Variants in REST observed in about 807,000 individuals in gnomAD.
REST encodes RE1-silencing transcription factor.
A neutral mutation model predicts 30.4 loss-of-function variants in REST; 1 was observed. The ratio of observed to expected loss-of-function variants is 0.03; its 90% CI spans 0.01 to 0.16. The LOEUF (loss-of-function observed/expected upper bound fraction) is 0.16. Ranked by LOEUF, REST falls within the 10% of genes least tolerant of loss-of-function variation. The probability of loss-of-function intolerance (pLI) is 1.00; values close to 1 mark genes in which losing one functional copy is unlikely to be tolerated. For synonymous variants in REST, 504 were observed against 451.1 expected (o/e 1.12, Z -1.49); for missense variants, 1,259 against 1,329.5 (o/e 0.95, Z 0.82).
In REST at chr4:56,930,133, G is replaced by A. The variant is rs1203540111; in HGVS notation, c.1275G>A (p.Val425=). 1.2e-6 allele frequency: 2 copies of A among 1,613,458 alleles called. No homozygotes were observed. Among genetic ancestry groups the A allele is most frequent in the Admixed American group, 1.7e-5 (1 of 59,902 alleles). ...CPNKTMDVSK[V]KLKKTKKREA... ...ATAAAACAATGGATGTCTCAAAAGT[G>A]AAACTAAAGAAAACCAAAAAACGAG... is the stretch of plus-strand genomic sequence containing the variant. The change falls in exon 4 of 4, where the codon GTG becomes GTA. Residue 425 remains valine (V), a synonymous_variant. Transcript: ENST00000309042.
intron 2 of REST, 93 bp downstream of exon 2, chr4:56,911,629 G>A (rs1226416550): frequency 9.5e-7 from 1 of 1,050,334 alleles, no homozygotes; most frequent in Non-Finnish European, 1.4e-6. Context: ...AAGGACTCTG[G>A]TTCAAATCCA....
At chr4:56,922,803 C>T (rs962850774) in intron 3 of REST, among the ~76,000 whole-genome samples, 1 of 152,088 alleles carries the variant, frequency 6.6e-6, no homozygotes, top group Non-Finnish European at 1.5e-5. Context: ...TTTCTTCTGT[C>T]CTTTGTATTG....
At chr4:56,909,206 C>T (rs1719778924) in intron 1 of REST, 1 of 152,346 alleles carries the variant, frequency 6.6e-6, no homozygotes, top group Admixed American at 6.5e-5. Flanking sequence ...CGGGGCGACT[C>T]CCGCGAGTTG....
At position 56,934,223 on chromosome 4, in the gene REST, G is replaced by C. The variant is rs1018903152; in HGVS notation, c.*2071G>C. ...GCTAGTTAAGTCTTTCTAATGACTAGTTTTAATGTTCATGGGTACATTTTA... is the reference window on the plus strand; with the variant it reads ...GCTAGTTAAGTCTTTCTAATGACTACTTTTAATGTTCATGGGTACATTTTA... On this transcript the variant is annotated 3_prime_UTR_variant, in exon 4 of 4. Transcript: ENST00000309042. The C allele has an allele frequency of 6.6e-6, 1 of 152,158 alleles. No individual in the cohort carries two copies. The highest frequency in any genetic ancestry group is 1.5e-5 in the Non-Finnish European group (1 of 68,024). The allele number at this position is 152,158 out of a possible 1,614,324, so 9.4% of individuals were successfully genotyped here.
In REST at chr4:56,928,259, A is replaced by G. The variant is rs111348152; in HGVS notation, c.983-1582A>G. 0.027 allele frequency among the ~76,000 whole-genome samples: 4,102 copies of G among 152,214 alleles called. 323 individuals carry two copies. The East Asian group carries it at 0.27, about 10-fold the overall frequency. ...GTAGCTGGGATTACAGGCATCTGCC[A>G]CTACACCCGGCTAATTTTTTGTATT... On this transcript the variant is annotated intron_variant, in intron 3 of 3. Coordinates refer to ENST00000309042, the MANE Select transcript of REST (RefSeq NM_005612.5).
rs776661457 is a variant in REST at position 56,931,234 on chromosome 4, T to G, written c.2376T>G (p.Pro792=). The G allele has an allele frequency of 1.9e-6, 3 of 1,614,208 alleles. No homozygotes were observed. In the South Asian group the frequency reaches 3.3e-5, roughly 18 times the overall value. The part of the protein sequence containing the change: ...SPPMGVVQKE[P]AQREPPPPRE... The stretch of plus-strand genomic sequence containing the variant: ...CCATGGGGGTGGTTCAGAAGGAGCC[T>G]GCTCAGAGGGAGCCACCTCCTCCCA... The change falls in exon 4 of 4, where the codon CCT becomes CCG. Residue 792 remains proline, a synonymous_variant. Transcript: ENST00000309042.
chr4:56,921,227 A>T (rs1720437191), intron 3 of REST, among the ~76,000 whole-genome samples: 1 of 152,168 alleles, frequency 6.6e-6, no homozygotes, highest in South Asian at 2.1e-4. Flanking sequence ...AAGTATCTTA[A>T]ATCTTGCTGT....
chr4:56,908,642 C>T (rs926634911), intron 1 of REST, among the ~76,000 whole-genome samples: 5 of 152,156 alleles, frequency 3.3e-5, no homozygotes, highest in Non-Finnish European at 7.4e-5. Flanking sequence ...TCCTGGCCCC[C>T]TCCCCCAGGG....
At chr4:56,927,663 G>A (rs1720773274) in intron 3 of REST, 4 of 1,242,964 alleles carry the variant, frequency 3.2e-6, no homozygotes, top group Non-Finnish European at 4.2e-6. Flanking sequence ...TGATCTAGAT[G>A]GGTATGTATT....
rs150066390 is a variant in REST, at chr4:56,930,027, A to G, written c.1169A>G (p.Asn390Ser). ...CTACATGTGAACCCACGGCAGTTCA[A>G]TTGCCCTGTATGTGACTATGCAGCT... ...VELHVNPRQFNCPVCDYAASK... is the reference protein window; with the variant it reads ...VELHVNPRQFSCPVCDYAASK... Residue 390 changes from asparagine (N) to serine (S), a missense_variant, in exon 4 of 4, where the codon AAT (asparagine) becomes AGT (serine). Coordinates refer to ENST00000309042, the MANE Select transcript of REST (RefSeq NM_005612.5). 1.8e-5 allele frequency: 29 copies of G among 1,614,124 alleles called. No individual in the cohort carries two copies. The highest frequency in any genetic ancestry group is 2.7e-5 in the African/African-American group (2 of 74,946).
chr4:56,926,200 C>CAGT (rs1316924616), intron 3 of REST, among the ~76,000 whole-genome samples: 3 of 143,504 alleles, frequency 2.1e-5, no homozygotes, highest in Non-Finnish European at 4.6e-5. Context: ...GCTGGGATTA[C>CAGT]AGGCATGCAC....
intron 3 of REST, among the ~76,000 whole-genome samples, chr4:56,924,731 A>G (rs1250642447): frequency 6.6e-6 from 1 of 151,942 alleles, no homozygotes; most frequent in African/African-American, 2.4e-5. Context: ...CCAAAGTGCT[A>G]GGAGTACAGG....
Position 56,931,661 on chromosome 4 carries a change from A to C in REST, c.2803A>C (p.Asn935His). The change falls in exon 4 of 4, where the codon AAT becomes CAT. Residue 935 changes from asparagine to histidine, a missense_variant. Asn to His is a moderately conservative substitution (Grantham distance 68). This residue lies in a region of REST where 856 missense variants were observed against 772.8 expected (regional missense o/e 1.11). Coordinates refer to ENST00000309042, the MANE Select transcript of REST (RefSeq NM_005612.5). ...GAATACGCCAGAGGGTGAAACTTTA[A>C]ATGGTAAACATCAGACTGACAGTAT... The part of the protein sequence containing the change: ...NLNTPEGETL[N>H]GKHQTDSIVC... The C allele has an allele frequency of 6.2e-7, 1 of 1,614,252 alleles. No homozygotes were observed.
chr4:56,918,051 C>CAA lies in REST; in HGVS notation c.899-1720_899-1719dup, dbSNP rs528213458. Among the ~76,000 whole-genome samples the CAA allele has an allele frequency of 4.2e-3, 411 of 97,910 alleles. 8 individuals are homozygous for CAA. The highest frequency in any genetic ancestry group is 3.6e-3 in the African/African-American group (88 of 24,428). 64.2% of individuals were successfully genotyped at this position (97,910 alleles called of 152,430 possible). A position where few individuals can be genotyped will look rare whatever the true frequency, so the allele number is the denominator to read the frequency against. The stretch of plus-strand genomic sequence containing the variant: ...TGGGCAACAGAGTGAGACTCCGTCT[C>CAA]AAAAAAAAAAAAAAAAAGGCTTGTT... On this transcript the variant is annotated intron_variant, in intron 2 of 3. Coordinates refer to ENST00000309042, the MANE Select transcript of REST (RefSeq NM_005612.5).
Position 56,930,370 on chromosome 4 carries a change from G to C in REST, c.1512G>C (p.Val504=). ...TAACAGAGGTGAAAGAGATGGATGT[G>C]CATACAGGAAGCAATTCAGAAAAAT... ...KSVTEVKEMD[V]HTGSNSEKFS... is the part of the protein sequence containing the mutation. The change falls in exon 4 of 4, where the codon GTG becomes GTC. Residue 504 remains valine, a synonymous_variant. Coordinates refer to ENST00000309042, the MANE Select transcript of REST (RefSeq NM_005612.5). 1.2e-6 allele frequency: 2 copies of C among 1,613,942 alleles called. No individual in the cohort carries two copies. Among genetic ancestry groups the C allele is most frequent in the Non-Finnish European group, 8.5e-7 (1 of 1,180,000 alleles).
chr4:56,931,395 A>G lies in REST; in HGVS notation c.2537A>G (p.Lys846Arg). 6.2e-7 allele frequency: 1 copy of G among 1,614,248 alleles called. No homozygotes were observed. Among genetic ancestry groups the G allele is most frequent in the Non-Finnish European group, 8.5e-7 (1 of 1,180,044 alleles). The part of the protein sequence containing the change: ...VLIEVGLVPV[K>R]DSWLLKESVS... Reference sequence around the variant, plus strand: ...ATTGAAGTTGGCTTAGTGCCTGTTAAAGATAGCTGGCTTCTAAAGGAAAGT... The same window carrying G: ...ATTGAAGTTGGCTTAGTGCCTGTTAGAGATAGCTGGCTTCTAAAGGAAAGT... The change falls in exon 4 of 4, where the codon AAA (lysine) becomes AGA (arginine). Residue 846 changes from lysine to arginine, a missense_variant. Lys to Arg is a conservative substitution (Grantham distance 26). Transcript: ENST00000309042.
At position 56,920,632 on chromosome 4, in the gene REST, C is replaced by G. The variant is rs1382263897; in HGVS notation, c.982+762C>G. Reference sequence around the variant, plus strand: ...ACAAAATTAGCCAGGCGTGGTGGCGCATGCCTGTAATCCCAGCTGCTCAGT... The same window carrying G: ...ACAAAATTAGCCAGGCGTGGTGGCGGATGCCTGTAATCCCAGCTGCTCAGT... On this transcript the variant is annotated intron_variant, in intron 3 of 3. Transcript: ENST00000309042. 2.0e-5 allele frequency among the ~76,000 whole-genome samples: 3 copies of G among 151,910 alleles called. No homozygotes were observed. The East Asian group carries it at 5.9e-4, about 30-fold the overall frequency.
rs1216190809 is a variant in REST at position 56,910,678 on chromosome 4, G to C, written c.40G>C (p.Gly14Arg). Residue 14 changes from glycine to arginine, a missense_variant, in exon 2 of 4, where the codon GGG becomes CGG. Gly to Arg is a moderately radical substitution (Grantham distance 125). This residue lies in a region of REST where 249 missense variants were observed against 251.5 expected (regional missense o/e 0.99). Transcript: ENST00000309042. ...AATGGGGCAGTCTTCTGGAGGAGGA[G>C]GGCTGTTTACCAGCAGTGGCAACAT... ...QVMGQSSGGG[G>R]LFTSSGNIGM... 1 of 1,613,830 alleles carries C rather than the reference G, an allele frequency of 6.2e-7. No individual in the cohort carries two copies. Among genetic ancestry groups the C allele is most frequent in the Non-Finnish European group, 8.5e-7 (1 of 1,179,774 alleles).
At chr4:56,914,335 C>G (rs1480040597) in intron 2 of REST, among the ~76,000 whole-genome samples, 1 of 152,152 alleles carries the variant, frequency 6.6e-6, no homozygotes, top group Admixed American at 6.5e-5. Flanking sequence ...AATTCCATTA[C>G]AAGAGTGACC....
Sources: allele counts gnomAD v4.1 joint callset (sites outside exome capture counted in the v4.1 genomes callset), GRCh38; gene constraint gnomAD v4.1.1; regional missense constraint gnomAD v4.1.1; transcripts MANE v1.5; gene names NCBI Gene and HGNC (gene_info 2026-07-23, HGNC 2026-07-21).